GRIN2B: variants seen among roughly 807,000 people sequenced by gnomAD.
GRIN2B encodes the protein glutamate receptor ionotropic, NMDA 2B.
Under a neutral mutation model 114.5 loss-of-function variants are expected in GRIN2B, and 5 were observed. The ratio of observed to expected loss-of-function variants is 0.04; its 90% CI spans 0.02 to 0.09. The LOEUF (loss-of-function observed/expected upper bound fraction) is 0.09, where lower values mean the gene tolerates loss of function less well. Among genes scored for constraint, GRIN2B ranks in the 10% least tolerant of loss-of-function variants. The pLI is 1.00. For synonymous variants in GRIN2B, 787 were observed against 745.1 expected, an observed-to-expected ratio of 1.06 and a Z score of -0.92; for missense variants, 1,108 against 1,943.5, an observed-to-expected ratio of 0.57 and a Z score of 8.08.
intron 5 of GRIN2B, among the ~76,000 whole-genome samples, chr12:13,626,725 A>C (rs1199769448): frequency 2.0e-5 from 3 of 151,326 alleles, no homozygotes; most frequent in African/African-American, 7.3e-5. Flanking sequence ...TGAGTTCCTT[A>C]ATCTTTTTAA....
At chr12:13,623,835 C>T (rs1949542448) in intron 5 of GRIN2B, among the ~76,000 whole-genome samples, 1 of 152,070 alleles carries the variant, frequency 6.6e-6, no homozygotes, top group East Asian at 1.9e-4. Context: ...GGTTTCCTAC[C>T]TAACTTGTAA....
At chr12:13,755,331 C>T (rs961940916) in intron 3 of GRIN2B, among the ~76,000 whole-genome samples, 6 of 152,180 alleles carry the variant, frequency 3.9e-5, no homozygotes, top group African/African-American at 7.2e-5. Flanking sequence ...AATCCTGATT[C>T]GGCAATGAGA....
chr12:13,583,739 C>A (rs546094065), intron 10 of GRIN2B, among the ~76,000 whole-genome samples: 2 of 151,996 alleles, frequency 1.3e-5, no homozygotes, highest in African/African-American at 2.4e-5. Flanking sequence ...ATGGGGCAAG[C>A]GAAATAGCAT....
intron 5 of GRIN2B, among the ~76,000 whole-genome samples, chr12:13,624,822 A>T (rs1949551715): frequency 6.6e-6 from 1 of 152,142 alleles, no homozygotes; most frequent in Admixed American, 6.5e-5. Flanking sequence ...AGGCCCCCTC[A>T]GCGCTGTGTG....
chr12:13,596,932 A>G (rs1949081301), intron 10 of GRIN2B, among the ~76,000 whole-genome samples: 1 of 152,224 alleles, frequency 6.6e-6, no homozygotes, highest in Non-Finnish European at 1.5e-5. Flanking sequence ...CTGTTGCCTC[A>G]GGCCAATGCC....
chr12:13,937,288 C>T (rs1237085863), intron 2 of GRIN2B, among the ~76,000 whole-genome samples: 1 of 151,788 alleles, frequency 6.6e-6, no homozygotes, highest in Non-Finnish European at 1.5e-5. Flanking sequence ...TTGATTTTCA[C>T]TGACTTACAG....
intron 3 of GRIN2B, among the ~76,000 whole-genome samples, chr12:13,831,825 G>C (rs1417970614): frequency 3.3e-5 from 5 of 152,174 alleles, no homozygotes; most frequent in African/African-American, 7.2e-5. Context: ...TAATGTGACT[G>C]TTCTTAAGAG....
chr12:13,910,504 C>A (rs1359095861), intron 2 of GRIN2B, among the ~76,000 whole-genome samples: 1 of 152,202 alleles, frequency 6.6e-6, no homozygotes, highest in Non-Finnish European at 1.5e-5. Flanking sequence ...CATAGCTAAT[C>A]CTTTGACGCA....
At position 13,791,295 on chromosome 12, in the gene GRIN2B, C is replaced by CA. The variant is rs981075525; in HGVS notation, c.412-37381dup. On this transcript the variant is annotated intron_variant, in intron 3 of 13. Coordinates refer to ENST00000609686, the MANE Select transcript of GRIN2B (RefSeq NM_000834.5). ...TGAAACCCCGTCTCTACTAAAAATA[C>CA]AAAAAAATTAACTGGGTGTGGTGGC... is the stretch of plus-strand genomic sequence containing the variant. Among the ~76,000 whole-genome samples, 5 of 151,612 alleles carry CA rather than the reference C, an allele frequency of 3.3e-5. No homozygotes were observed. The South Asian group carries it at 8.4e-4, about 25-fold the overall frequency.
intron 2 of GRIN2B, among the ~76,000 whole-genome samples, chr12:13,873,612 G>A (rs533711526): frequency 1.1e-4 from 17 of 152,206 alleles, no homozygotes; most frequent in African/African-American, 3.9e-4. Context: ...GAGCTCCCTT[G>A]CCCTGCTCTT....
chr12:13,629,162 A>C (rs1477645606), intron 5 of GRIN2B, among the ~76,000 whole-genome samples: 1 of 152,212 alleles, frequency 6.6e-6, no homozygotes, highest in African/African-American at 2.4e-5. Flanking sequence ...AATACTTAAC[A>C]ATAACACTCA....
Position 13,753,727 on chromosome 12 carries a change from C to T in GRIN2B, c.600G>A (p.Glu200=). Residue 200 remains glutamate, a synonymous_variant, in exon 4 of 14, where the codon GAG becomes GAA. Coordinates refer to ENST00000609686, the MANE Select transcript of GRIN2B (RefSeq NM_000834.5). This position sits in a 1 kb window ranked among gnomAD's most constrained non-coding sequence, Gnocchi z 6.2. The part of the protein sequence containing the change: ...IENSFVGWEL[E]EVLLLDMSLD... ...GGGACATGTCCAGTAGGAGGACCTC[C>T]TCTAGCTCCCAGCCCACAAAGCTAT... is the stretch of plus-strand genomic sequence containing the variant. 6.2e-7 allele frequency: 1 copy of T among 1,614,198 alleles called. No individual in the cohort carries two copies. Among genetic ancestry groups the T allele is most frequent in the Non-Finnish European group, 8.5e-7 (1 of 1,180,024 alleles).
chr12:13,715,397 A>G (rs1326836222), intron 4 of GRIN2B, among the ~76,000 whole-genome samples: 1 of 151,922 alleles, frequency 6.6e-6, no homozygotes, highest in Non-Finnish European at 1.5e-5. Context: ...GAATAAAATG[A>G]TAACTATAAA....
At chr12:13,637,890 T>C (rs1949679765) in intron 5 of GRIN2B, among the ~76,000 whole-genome samples, 1 of 152,146 alleles carries the variant, frequency 6.6e-6, no homozygotes. Context: ...ATCAGTGAAT[T>C]GTTTCACCAA....
intron 4 of GRIN2B, among the ~76,000 whole-genome samples, chr12:13,737,592 A>T (rs1206619780): frequency 1.3e-5 from 2 of 152,146 alleles, no homozygotes; most frequent in East Asian, 1.9e-4. Flanking sequence ...TGCTCATTCC[A>T]CAAAACTCAA....
chr12:13,780,187 C>T (rs909007536), intron 3 of GRIN2B, among the ~76,000 whole-genome samples: 1 of 151,804 alleles, frequency 6.6e-6, no homozygotes, highest in Non-Finnish European at 1.5e-5. Flanking sequence ...AAAAGTAACA[C>T]AAAAGTAAAT....
At chr12:13,578,843 G>A (rs549660576) in intron 10 of GRIN2B, among the ~76,000 whole-genome samples, 2 of 94,836 alleles carry the variant, frequency 2.1e-5, no homozygotes, top group East Asian at 6.4e-4. Flanking sequence ...GGTGGCATCT[G>A]AACCGAGACC....
At position 13,551,080 on chromosome 12, in the gene GRIN2B, T is replaced by C. The variant is rs1461482905; in HGVS notation, c.*11703A>G. ...CCACCTAGATGCTTCACTATCCTCC[T>C]TGCTTCCTGCCTATGTGAAACCTTG... On this transcript the variant is annotated 3_prime_UTR_variant, in exon 14 of 14. Coordinates refer to ENST00000609686, the MANE Select transcript of GRIN2B (RefSeq NM_000834.5). 6.6e-6 allele frequency: 1 copy of C among 152,078 alleles called. No individual in the cohort carries two copies. Among genetic ancestry groups the C allele is most frequent in the Non-Finnish European group, 1.5e-5 (1 of 68,000 alleles). The allele number at this position is 152,078 out of a possible 1,614,324, so 9.4% of individuals were successfully genotyped here. A position where few individuals can be genotyped will look rare whatever the true frequency, so the allele number is the denominator to read the frequency against.
At chr12:13,817,833 A>G (rs1293467501) in intron 3 of GRIN2B, among the ~76,000 whole-genome samples, 1 of 152,174 alleles carries the variant, frequency 6.6e-6, no homozygotes, top group Non-Finnish European at 1.5e-5. Flanking sequence ...TATACCTGAA[A>G]ATTCTCCTGT....
Sources: allele counts gnomAD v4.1 joint callset (sites outside exome capture counted in the v4.1 genomes callset), GRCh38; gene constraint gnomAD v4.1.1; non-coding constraint Gnocchi (gnomAD v3.1); transcripts MANE v1.5; gene names NCBI Gene and HGNC (gene_info 2026-07-23, HGNC 2026-07-21).